The following LARP1B variants were observed in gnomAD, a reference collection of about 807,000 sequenced individuals.
The protein encoded by LARP1B is la-related protein 1B.
In LARP1B, 76 loss-of-function variants were observed where a neutral mutation model predicts 114.2. That is an observed-to-expected ratio of 0.67 (90% CI 0.55 to 0.81). The LOEUF is 0.81. Among genes scored for constraint, LARP1B ranks in the 30% least tolerant of loss-of-function variants. The pLI, the probability that LARP1B is intolerant of heterozygous loss-of-function variation, is 0.00. For synonymous variants in LARP1B, 345 were observed against 348.0 expected (o/e 0.99, Z 0.10); for missense variants, 1,014 against 1,075.8 (o/e 0.94, Z 0.80).
intron 17 of LARP1B, among the ~76,000 whole-genome samples, chr4:128,204,988 T>G (rs1220437950): frequency 6.6e-6 from 1 of 152,220 alleles, no homozygotes; most frequent in Non-Finnish European, 1.5e-5. Flanking sequence ...CGGTATATGA[T>G]CCCATAAGAG....
chr4:128,079,332 C>T (rs1036863425), intron 4 of LARP1B, among the ~76,000 whole-genome samples: 3 of 151,828 alleles, frequency 2.0e-5, no homozygotes, highest in Non-Finnish European at 1.5e-5. Context: ...TGAGCTCAGG[C>T]GATCCACCTG....
chr4:128,141,200 C>CT lies in LARP1B; in HGVS notation c.1524+19015dup, dbSNP rs569960703. Among the ~76,000 whole-genome samples the CT allele has an allele frequency of 7.8e-4, 118 of 152,112 alleles. 1 individual carries two copies. The highest frequency in any genetic ancestry group is 2.8e-3 in the African/African-American group (115 of 41,490). On this transcript the variant is annotated intron_variant, in intron 11 of 19. Coordinates refer to ENST00000326639, the MANE Select transcript of LARP1B (RefSeq NM_018078.4). ...GTATAAATCTGTACAGTATTGAAGA[C>CT]TTTGTTAACATAGGATGTAGAGATC... is the stretch of plus-strand genomic sequence containing the variant.
chr4:128,153,784 T>TA (rs1375042770), intron 11 of LARP1B, among the ~76,000 whole-genome samples: 8 of 152,226 alleles, frequency 5.3e-5, no homozygotes, highest in African/African-American at 1.9e-4. Flanking sequence ...ACCGGTAGCC[T>TA]ACTAAATTCT....
chr4:128,182,153 G>A (rs1748753133), intron 15 of LARP1B, among the ~76,000 whole-genome samples: 2 of 121,750 alleles, frequency 1.6e-5, no homozygotes, highest in African/African-American at 6.1e-5. Context: ...TCACTCTGTT[G>A]CACAGGCTGG....
Position 128,210,035 on chromosome 4 carries a change from CAG to C in LARP1B, c.2728_2729del (p.Ser910Ter), listed in dbSNP as rs1221958331. 1 of 1,614,016 alleles carries C rather than the reference CAG, an allele frequency of 6.2e-7. No individual in the cohort carries two copies. Among genetic ancestry groups the C allele is most frequent in the East Asian group, 2.2e-5 (1 of 44,878 alleles). On this transcript the variant is annotated frameshift_variant, in exon 20 of 20. Coordinates refer to ENST00000326639, the MANE Select transcript of LARP1B (RefSeq NM_018078.4). LOFTEE classifies it high-confidence loss of function. ...SPRRNISPES[S>X]DNSH ...CCAGAAGGAATATTTCACCGGAGTCCAGTGACAATTCACATTAAACAGTGCTG... is the reference window on the plus strand; with the variant it reads ...CCAGAAGGAATATTTCACCGGAGTCCTGACAATTCACATTAAACAGTGCTG...
chr4:128,062,034 T>C (rs1443355583), intron 1 of LARP1B: 2 of 984,236 alleles, frequency 2.0e-6, no homozygotes, highest in Non-Finnish European at 2.4e-6. Flanking sequence ...CCGTCGCCGT[T>C]GCCGCCGTTG....
At chr4:128,179,641 C>A in intron 15 of LARP1B, 129 bp downstream of exon 15, 3 of 501,258 alleles carry the variant, frequency 6.0e-6, no homozygotes, top group Non-Finnish European at 7.0e-6. Context: ...GAAAATGGTA[C>A]AAAGAAGCCA....
chr4:128,093,790 A>G (rs1410771961), intron 7 of LARP1B, among the ~76,000 whole-genome samples: 1 of 146,742 alleles, frequency 6.8e-6, no homozygotes, highest in Admixed American at 6.9e-5. Context: ...GGCTCACTGC[A>G]ACGTCCGCCT....
intron 3 of LARP1B, 97 bp from the exon 4 acceptor site, chr4:128,077,691 G>T (rs753761146): frequency 7.8e-7 from 1 of 1,280,196 alleles, no homozygotes; most frequent in Non-Finnish European, 1.0e-6. Flanking sequence ...TTTGTCATTT[G>T]TTTTGCAATT....
At chr4:128,098,881 G>C (rs974729819) in intron 8 of LARP1B, among the ~76,000 whole-genome samples, 3 of 145,914 alleles carry the variant, frequency 2.1e-5, no homozygotes, top group Non-Finnish European at 4.5e-5. Flanking sequence ...GGGTTCAAGC[G>C]ATTCTCCTGC....
chr4:128,124,152 G>A (rs1000048762), intron 11 of LARP1B, among the ~76,000 whole-genome samples: 3 of 152,212 alleles, frequency 2.0e-5, no homozygotes, highest in African/African-American at 7.2e-5. Flanking sequence ...ACTGGGCACA[G>A]AGTGAGAAGG....
Position 128,091,093 on chromosome 4 carries a change from C to G in LARP1B, c.451C>G (p.Arg151Gly), listed in dbSNP as rs1424041080. Residue 151 changes from arginine to glycine, a missense_variant, in exon 6 of 20, where the codon CGA becomes GGA. Physicochemically the swap from Arg to Gly is moderately radical, Grantham distance 125 (BLOSUM62 -2). Coordinates refer to ENST00000326639, the MANE Select transcript of LARP1B (RefSeq NM_018078.4). ...TAATATCCGAGGTTCCTTTAGAGGT[C>G]GAGGAAGAGGCCGAGGACGGGGAAG... ...GGNIRGSFRG[R>G]GRGRGRGRGR... 3.7e-6 allele frequency: 6 copies of G among 1,613,372 alleles called. No homozygotes were observed. The South Asian group carries it at 6.6e-5, about 18-fold the overall frequency.
At chr4:128,171,697 A>G (rs186399200) in intron 12 of LARP1B, among the ~76,000 whole-genome samples, 15 of 152,256 alleles carry the variant, frequency 9.9e-5, no homozygotes, top group Admixed American at 2.0e-4. Context: ...TCAGTTGGCT[A>G]TGATTTATAG....
At chr4:128,199,337 C>T (rs774134732) in intron 15 of LARP1B, 102 bp from the exon 16 acceptor site, 74 of 839,456 alleles carry the variant, frequency 8.8e-5, no homozygotes, top group Non-Finnish European at 1.2e-4. Flanking sequence ...CTGTCTTTTC[C>T]ACTGCTTAGA....
chr4:128,067,122 T>A (rs1275697440), intron 1 of LARP1B, among the ~76,000 whole-genome samples: 1 of 152,086 alleles, frequency 6.6e-6, no homozygotes, highest in African/African-American at 2.4e-5. Flanking sequence ...GCTATTTTCT[T>A]AAGCAAATTT....
chr4:128,115,182 C>G (rs942640811), intron 10 of LARP1B, among the ~76,000 whole-genome samples: 1 of 152,116 alleles, frequency 6.6e-6, no homozygotes, highest in Non-Finnish European at 1.5e-5. Flanking sequence ...ATGATCCGCC[C>G]GCCTCGTCCT....
At chr4:128,220,058 T>C (rs1367222299) in intron 6 of LARP1B, among the ~76,000 whole-genome samples, 2 of 152,060 alleles carry the variant, frequency 1.3e-5, no homozygotes, top group Admixed American at 6.6e-5. Context: ...GCTAATTTTT[T>C]ATTTTTAATA....
At chr4:128,146,209 T>C (rs1730281635) in intron 11 of LARP1B, among the ~76,000 whole-genome samples, 1 of 152,236 alleles carries the variant, frequency 6.6e-6, no homozygotes, top group African/African-American at 2.4e-5. Context: ...ACATCCATAT[T>C]GTTAAATCTA....
chr4:128,117,758 G>A lies in LARP1B; in HGVS notation c.1161+3016G>A, dbSNP rs1786378783. 2.0e-5 allele frequency among the ~76,000 whole-genome samples: 3 copies of A among 152,170 alleles called. No individual in the cohort carries two copies. In the South Asian group the frequency reaches 6.2e-4, roughly 32 times the overall value. The stretch of plus-strand genomic sequence containing the variant: ...TGTTCTCGAACTCCTGACCTCAGGT[G>A]AACCGCTGGCCTCGGCCTCCCAAAG... On this transcript the variant is annotated intron_variant, in intron 10 of 19. Coordinates refer to ENST00000326639, the MANE Select transcript of LARP1B (RefSeq NM_018078.4).
Sources: allele counts gnomAD v4.1 joint callset (sites outside exome capture counted in the v4.1 genomes callset), GRCh38; gene constraint gnomAD v4.1.1; transcripts MANE v1.5; gene names NCBI Gene and HGNC (gene_info 2026-07-23, HGNC 2026-07-21).